Variants in FGD6 observed in about 807,000 individuals in gnomAD.
FGD6 encodes FYVE, RhoGEF and PH domain containing 6, also known as FYVE, RhoGEF and PH domain-containing protein 6.
A neutral mutation model predicts 149.4 loss-of-function variants in FGD6; 90 were observed. The observed-to-expected ratio is 0.60, with a 90% CI of 0.51 to 0.72. FGD6 has a LOEUF of 0.72. FGD6 is among the 30% of genes least tolerant of loss of function. The probability of loss-of-function intolerance (pLI) is 0.00; values close to 1 mark genes in which losing one functional copy is unlikely to be tolerated. For synonymous variants in FGD6, 527 were observed against 584.0 expected (o/e 0.90, Z 1.41); for missense variants, 1,437 against 1,684.8 (o/e 0.85, Z 2.57).
At chr12:95,155,355 C>G (rs906652432) in intron 3 of FGD6, among the ~76,000 whole-genome samples, 20 of 152,100 alleles carry the variant, frequency 1.3e-4, no homozygotes, top group African/African-American at 4.8e-4. Context: ...GGGGAAACCC[C>G]ATCTCTACTA....
chr12:95,202,754 C>T (rs995771541), intron 2 of FGD6, among the ~76,000 whole-genome samples: 2 of 152,182 alleles, frequency 1.3e-5, no homozygotes, highest in African/African-American at 4.8e-5. Flanking sequence ...AAACCCAATG[C>T]TTCTGCTGCA....
At chr12:95,157,576 A>AAAG (rs934534913) in intron 3 of FGD6, among the ~76,000 whole-genome samples, 1 of 151,670 alleles carries the variant, frequency 6.6e-6, no homozygotes, top group African/African-American at 2.4e-5. Flanking sequence ...CAAAAAAAAA[A>AAAG]AAAAAAAGAA....
chr12:95,134,895 C>T lies in FGD6; in HGVS notation c.2995-69G>A, dbSNP rs147432873. Reference sequence around the variant, plus strand: ...AGCAAGGGACCCAGATTCAAGTGCTCAGGAAGCCAAACTTTAAACATCAAG... The same window carrying T: ...AGCAAGGGACCCAGATTCAAGTGCTTAGGAAGCCAAACTTTAAACATCAAG... On this transcript the variant is annotated intron_variant, in intron 7 of 20. Coordinates refer to ENST00000343958, the MANE Select transcript of FGD6 (RefSeq NM_018351.4). 1,912 of 1,296,208 alleles carry T rather than the reference C, an allele frequency of 1.5e-3. 12 individuals are homozygous for T. Among genetic ancestry groups the T allele is most frequent in the South Asian group, 3.5e-3 (252 of 71,252 alleles). 80.3% of individuals were successfully genotyped at this position (1,296,208 alleles called of 1,614,324 possible). A position where few individuals can be genotyped will look rare whatever the true frequency, so the allele number is the denominator to read the frequency against.
intron 8 of FGD6, among the ~76,000 whole-genome samples, chr12:95,117,454 G>T (rs542549126): frequency 1.3e-5 from 2 of 150,932 alleles, no homozygotes; most frequent in Non-Finnish European, 2.9e-5. Context: ...GGAGGGTCTC[G>T]CTCTGTTGCC....
chr12:95,216,710 C>T (rs180831299), intron 1 of FGD6, among the ~76,000 whole-genome samples: 4 of 149,524 alleles, frequency 2.7e-5, no homozygotes, highest in Admixed American at 1.3e-4. Context: ...ATCTCAACTC[C>T]TCTGCTTCTC....
At chr12:95,208,612 G>A (rs905277903) in intron 2 of FGD6, among the ~76,000 whole-genome samples, 17 of 152,228 alleles carry the variant, frequency 1.1e-4, no homozygotes, top group African/African-American at 3.4e-4. Flanking sequence ...CATTGCCACT[G>A]GTTCAAATTC....
intron 2 of FGD6, among the ~76,000 whole-genome samples, chr12:95,182,507 T>A (rs956312168): frequency 5.3e-5 from 8 of 152,106 alleles, no homozygotes; most frequent in African/African-American, 1.9e-4. Flanking sequence ...AGCCTATACA[T>A]ACATTTTTAA....
At chr12:95,119,434 C>A (rs1392807827) in intron 8 of FGD6, among the ~76,000 whole-genome samples, 1 of 152,102 alleles carries the variant, frequency 6.6e-6, no homozygotes, top group Non-Finnish European at 1.5e-5. Flanking sequence ...AAAAACCATC[C>A]TAGGGGTATA....
At chr12:95,131,793 G>A (rs1426730514) in intron 8 of FGD6, among the ~76,000 whole-genome samples, 1 of 152,028 alleles carries the variant, frequency 6.6e-6, no homozygotes, top group Non-Finnish European at 1.5e-5. Flanking sequence ...AACAATTAAC[G>A]AATGGAAAAG....
At chr12:95,139,504 G>T (rs1490157736) in intron 6 of FGD6, among the ~76,000 whole-genome samples, 1 of 148,018 alleles carries the variant, frequency 6.8e-6, no homozygotes, top group African/African-American at 2.5e-5. Flanking sequence ...AAAAAAAAAA[G>T]ATTTGTTTTT....
chr12:95,169,199 A>G (rs886712008), intron 3 of FGD6, among the ~76,000 whole-genome samples: 2 of 152,180 alleles, frequency 1.3e-5, no homozygotes, highest in Non-Finnish European at 2.9e-5. Flanking sequence ...AATGAACAAA[A>G]TCTAGTATTT....
chr12:95,187,647 G>A (rs548999971), intron 2 of FGD6, among the ~76,000 whole-genome samples: 3 of 142,298 alleles, frequency 2.1e-5, no homozygotes, highest in South Asian at 2.3e-4. Flanking sequence ...GCGAGGCTGC[G>A]TCCCCAAAAA....
chr12:95,107,681 GA>G, intron 11 of FGD6, 50 bp from the exon 12 acceptor site: 1 of 1,576,786 alleles, frequency 6.3e-7, no homozygotes, highest in Non-Finnish European at 8.7e-7. Flanking sequence ...ACAACACAAC[GA>G]CAATATAATT....
rs778519278 is a variant in FGD6 at position 95,183,936 on chromosome 12, T to C, written c.2442-11192A>G. The stretch of plus-strand genomic sequence containing the variant: ...GCACTGGCAGATTTTAATAAGATTA[T>C]CCTGAGAAATTACATTGAGAGGTGT... On this transcript the variant is annotated intron_variant, in intron 2 of 20. Transcript: ENST00000343958. Among the ~76,000 whole-genome samples, 11 of 152,302 alleles carry C rather than the reference T, an allele frequency of 7.2e-5. 1 individual carries two copies. The Middle Eastern group carries it at 0.017, about 235-fold the overall frequency.
chr12:95,121,969 CCATTT>C (rs1565901477), intron 8 of FGD6, among the ~76,000 whole-genome samples: 1 of 152,014 alleles, frequency 6.6e-6, no homozygotes, highest in East Asian at 1.9e-4. Flanking sequence ...TATAAACAGT[CCATTT>C]CAAGTTACTT....
intron 3 of FGD6, among the ~76,000 whole-genome samples, chr12:95,167,080 C>T (rs1197417043): frequency 6.6e-6 from 1 of 152,146 alleles, no homozygotes; most frequent in African/African-American, 2.4e-5. Flanking sequence ...TGCTCCCGAA[C>T]TCCTGACCTA....
At chr12:95,206,681 G>A (rs2056694241) in intron 2 of FGD6, among the ~76,000 whole-genome samples, 2 of 150,644 alleles carry the variant, frequency 1.3e-5, no homozygotes, top group South Asian at 2.1e-4. Flanking sequence ...AGACAGAGAG[G>A]GGACCCTGTC....
chr12:95,105,453 A>G (rs1878580754), intron 13 of FGD6, among the ~76,000 whole-genome samples: 1 of 151,970 alleles, frequency 6.6e-6, no homozygotes, highest in Non-Finnish European at 1.5e-5. Context: ...ACCATCAAAC[A>G]CTGCAAGTTC....
intron 2 of FGD6, among the ~76,000 whole-genome samples, chr12:95,181,414 C>T (rs1237985126): frequency 1.3e-5 from 2 of 152,132 alleles, no homozygotes; most frequent in Non-Finnish European, 1.5e-5. Flanking sequence ...ACACTCTTGG[C>T]CATCTAGCTT....
Sources: gnomAD v4.1 joint callset for allele counts (sites outside exome capture counted in the v4.1 genomes callset) on GRCh38, gnomAD v4.1.1 for gene constraint, MANE v1.5 for transcripts, NCBI Gene and HGNC (gene_info 2026-07-23, HGNC 2026-07-21) for gene names.